Variants in ZNF184 observed in about 807,000 individuals in gnomAD.
ZNF184 encodes the protein zinc finger protein 184 (Kruppel-like).
A neutral mutation model predicts 54.4 loss-of-function variants in ZNF184; 16 were observed. The ratio of observed to expected loss-of-function variants is 0.29; its 90% confidence interval spans 0.20 to 0.45. The LOEUF is 0.45. ZNF184 is among the 20% of genes least tolerant of loss of function. The pLI is 1.00. For synonymous variants in ZNF184, 254 were observed against 295.3 expected (o/e 0.86, Z 1.43); for missense variants, 681 against 888.2 (o/e 0.77, Z 2.97).
chr6:27,456,685 AG>A, intron 5 of ZNF184, 140 bp downstream of exon 5: 2 of 706,498 alleles, frequency 2.8e-6, no homozygotes, highest in Non-Finnish European at 4.7e-6. Context: ...AAGAAAGTCC[AG>A]AAAACAGATG....
chr6:27,460,108 A>G (rs1388730846), intron 3 of ZNF184, among the ~76,000 whole-genome samples: 1 of 152,232 alleles, frequency 6.6e-6, no homozygotes, highest in Admixed American at 6.5e-5. Context: ...TCGAGGTTGC[A>G]GTGACCTATG....
At chr6:27,418,745 T>C in the ZNF184 span, among the ~76,000 whole-genome samples, 1 of 152,198 alleles carries the variant, frequency 6.6e-6, no homozygotes, top group Admixed American at 6.5e-5. Flanking sequence ...ACATTACTTA[T>C]ATAGTCTGGG....
intron 3 of ZNF184, among the ~76,000 whole-genome samples, chr6:27,460,720 T>TGGGCAATGCAAA (rs1762973773): frequency 6.6e-6 from 1 of 152,220 alleles, no homozygotes; most frequent in Admixed American, 6.5e-5. Flanking sequence ...ACAATCTCCA[T>TGGGCAATGCAAA]GGGCAATGCA....
At position 27,457,060 on chromosome 6, in the gene ZNF184, G is replaced by A. The variant is rs1023474952; in HGVS notation, c.203-139C>T. Reference sequence around the variant, plus strand: ...AGTGGATAGCATATCAAGCTTTAGTGTTACCAGTTCCCAGACATGGTGGGA... The same window carrying A: ...AGTGGATAGCATATCAAGCTTTAGTATTACCAGTTCCCAGACATGGTGGGA... On this transcript the variant is annotated intron_variant, in intron 4 of 5. Coordinates refer to ENST00000683788, the MANE Select transcript of ZNF184 (RefSeq NM_001318891.2). The A allele has an allele frequency of 3.9e-5, 37 of 945,172 alleles. 1 individual carries two copies. In the South Asian group the frequency reaches 6.1e-4, roughly 16 times the overall value. 58.5% of individuals were successfully genotyped at this position (945,172 alleles called of 1,614,324 possible). A position where few individuals can be genotyped will look rare whatever the true frequency, so the allele number is the denominator to read the frequency against.
chr6:27,423,879 G>C, the ZNF184 span, among the ~76,000 whole-genome samples: 1 of 152,112 alleles, frequency 6.6e-6, no homozygotes. Flanking sequence ...CCACGTATCA[G>C]CATTTCTTTG....
chr6:27,428,070 G>A, the ZNF184 span, among the ~76,000 whole-genome samples: 1 of 152,138 alleles, frequency 6.6e-6, no homozygotes, highest in African/African-American at 2.4e-5. The surrounding 1 kb of genome is among the most constrained non-coding windows in gnomAD (Gnocchi z 4.1). Flanking sequence ...TCAAATATGA[G>A]CTCTCAGCTA....
rs754859858 is a variant in ZNF184 at position 27,451,742 on chromosome 6, C to A, written c.1817G>T (p.Arg606Ile). Residue 606 changes from arginine to isoleucine, a missense_variant, in exon 6 of 6, where the codon AGA becomes ATA. Transcript: ENST00000683788. ...ATAAGGCTTGGCTCCTGTATGAATT[C>A]TCTTATGCTGTGTAAGGTGTATGTT... ...NQNIHLTQHK[R>I]IHTGAKPYEC... 6.2e-6 allele frequency: 10 copies of A among 1,613,958 alleles called. No homozygotes were observed. The highest frequency in any genetic ancestry group is 7.6e-6 in the Non-Finnish European group (9 of 1,179,936).
At chr6:27,423,088 C>T in the ZNF184 span, among the ~76,000 whole-genome samples, 6 of 152,236 alleles carry the variant, frequency 3.9e-5, no homozygotes, top group Non-Finnish European at 7.3e-5. Context: ...TTTGCGCTGC[C>T]TCTTGGATGC....
Position 27,453,190 on chromosome 6 carries a change from T to C in ZNF184, c.369A>G (p.Pro123=). The C allele has an allele frequency of 6.2e-7, 1 of 1,613,826 alleles. No individual in the cohort carries two copies. Among genetic ancestry groups the C allele is most frequent in the Non-Finnish European group, 8.5e-7 (1 of 1,179,910 alleles). The change falls in exon 6 of 6, where the codon CCA becomes CCG. Residue 123 remains proline, a synonymous_variant. Coordinates refer to ENST00000683788, the MANE Select transcript of ZNF184 (RefSeq NM_001318891.2). The surrounding 1 kb of genome is among the most constrained non-coding windows in gnomAD (Gnocchi z 4.7). The stretch of plus-strand genomic sequence containing the variant: ...TTTTGTGTTTTTCCACTATTACCTC[T>C]GGAGATAGCTCTTCTTCAGAAATGT... ...EPDISEEELS[P]EVIVEKHKRD...
the ZNF184 span, among the ~76,000 whole-genome samples, chr6:27,421,045 A>C: frequency 6.6e-6 from 1 of 152,224 alleles, no homozygotes. Flanking sequence ...AAAAGGCAAA[A>C]ACAGACAGTA....
At chr6:27,419,585 G>C in the ZNF184 span, among the ~76,000 whole-genome samples, 3 of 151,472 alleles carry the variant, frequency 2.0e-5, no homozygotes, top group Admixed American at 1.3e-4. This position sits in a 1 kb window ranked among gnomAD's most constrained non-coding sequence, Gnocchi z 4.8. Flanking sequence ...TTCATAAATA[G>C]ATAGATAGAT....
chr6:27,420,512 T>A, the ZNF184 span, among the ~76,000 whole-genome samples: 1 of 152,178 alleles, frequency 6.6e-6, no homozygotes, highest in Non-Finnish European at 1.5e-5. Context: ...GAAAGGCACA[T>A]CATTAATAGT....
In ZNF184 at chr6:27,452,256, G is replaced by C; in HGVS notation, c.1303C>G (p.Gln435Glu). 1.2e-6 allele frequency: 2 copies of C among 1,614,042 alleles called. No homozygotes were observed. Among genetic ancestry groups the C allele is most frequent in the South Asian group, 2.2e-5 (2 of 91,056 alleles). ...TCCCCAGTATGAGTTTTTTGATGCT[G>C]AGTGAGGTTTGAGTGCTGGCTGAAG... is the stretch of plus-strand genomic sequence containing the variant. ...KAFSQHSNLT[Q>E]HQKTHTGEKP... Residue 435 changes from glutamine to glutamate, a missense_variant, in exon 6 of 6, where the codon CAG becomes GAG. Physicochemically the swap from Gln to Glu is conservative, Grantham distance 29. Transcript: ENST00000683788. The surrounding 1 kb of genome is among the most constrained non-coding windows in gnomAD (Gnocchi z 5.5).
chr6:27,467,083 C>G (rs1763157010), intron 3 of ZNF184, among the ~76,000 whole-genome samples: 1 of 152,106 alleles, frequency 6.6e-6, no homozygotes, highest in Non-Finnish European at 1.5e-5. Flanking sequence ...CTTCTCTATA[C>G]CTAGAATCCA....
the ZNF184 span, among the ~76,000 whole-genome samples, chr6:27,414,581 A>G: frequency 6.6e-6 from 1 of 151,990 alleles, no homozygotes; most frequent in Non-Finnish European, 1.5e-5. Flanking sequence ...TTCTGCTTGC[A>G]GGGCTTTTGC....
rs769797986 is a variant in ZNF184, at chr6:27,452,810, T to C, written c.749A>G (p.Tyr250Cys). ...HQRTHTGEKP[Y>C]KCNECEKAFS... ...GGCTTTTTCACATTCATTACATTTG[T>C]AGGGTTTTTCTCCAGTATGTGTTCT... Residue 250 changes from tyrosine to cysteine, a missense_variant, in exon 6 of 6, where the codon TAC becomes TGC. Physicochemically the swap from Tyr to Cys is radical, Grantham distance 194. Transcript: ENST00000683788. This position sits in a 1 kb window ranked among gnomAD's most constrained non-coding sequence, Gnocchi z 5.5. 1 of 1,613,484 alleles carries C rather than the reference T, an allele frequency of 6.2e-7. No homozygotes were observed. The highest frequency in any genetic ancestry group is 1.3e-5 in the African/African-American group (1 of 74,844).
At chr6:27,430,972 T>C in the ZNF184 span, among the ~76,000 whole-genome samples, 1 of 151,980 alleles carries the variant, frequency 6.6e-6, no homozygotes, top group African/African-American at 2.4e-5. Context: ...TCCCTGAAAA[T>C]ACCTTATTTC....
chr6:27,422,811 A>T, the ZNF184 span, among the ~76,000 whole-genome samples: 1 of 152,196 alleles, frequency 6.6e-6, no homozygotes, highest in East Asian at 1.9e-4. Flanking sequence ...ATTGTCAAAC[A>T]AGGGCTCCAA....
chr6:27,456,815 C>T lies in ZNF184; in HGVS notation c.298+11G>A. On this transcript the variant is annotated intron_variant, in intron 5 of 5. Coordinates refer to ENST00000683788, the MANE Select transcript of ZNF184 (RefSeq NM_001318891.2). ...GTTAATGATATTCATCTGCTGGCAT[C>T]CATGACTTACCTGCACAGGTACCTA... 1 of 1,612,328 alleles carries T rather than the reference C, an allele frequency of 6.2e-7. No individual in the cohort carries two copies. The highest frequency in any genetic ancestry group is 8.5e-7 in the Non-Finnish European group (1 of 1,178,748).
Sources: allele counts gnomAD v4.1 joint callset (sites outside exome capture counted in the v4.1 genomes callset), GRCh38; gene constraint gnomAD v4.1.1; non-coding constraint Gnocchi (gnomAD v3.1); transcripts MANE v1.5; gene names NCBI Gene and HGNC (gene_info 2026-07-23, HGNC 2026-07-21).